Variants in SUSD6 observed in about 807,000 individuals in gnomAD.
The protein encoded by SUSD6 is sushi domain-containing protein 6.
SUSD6 carries 16 observed loss-of-function variants against 28.4 expected under a neutral mutation model. The observed-to-expected ratio is 0.56, with a 90% confidence interval of 0.38 to 0.86. SUSD6 has a LOEUF of 0.86. SUSD6 is among the 40% of genes least tolerant of loss of function. The pLI is 0.00. For synonymous variants in SUSD6, 147 were observed against 159.6 expected, an observed-to-expected ratio of 0.92 and a Z score of 0.59; for missense variants, 341 against 384.2, an observed-to-expected ratio of 0.89 and a Z score of 0.94.
intron 1 of SUSD6, among the ~76,000 whole-genome samples, chr14:69,658,191 T>C (rs1171950270): frequency 6.6e-6 from 1 of 152,214 alleles, no homozygotes; most frequent in Non-Finnish European, 1.5e-5. Context: ...GTAGCAGCTC[T>C]GTGTCAATAG....
intron 1 of SUSD6, among the ~76,000 whole-genome samples, chr14:69,639,964 T>TTG (rs1359138411): frequency 6.8e-6 from 1 of 147,300 alleles, no homozygotes; most frequent in Non-Finnish European, 1.5e-5. Flanking sequence ...CTGTTTTTTT[T>TTG]TTTTTTTTTT....
intron 1 of SUSD6, among the ~76,000 whole-genome samples, chr14:69,657,380 G>T (rs1297114374): frequency 6.6e-6 from 1 of 152,090 alleles, no homozygotes; most frequent in Non-Finnish European, 1.5e-5. Flanking sequence ...ACTTCAACCC[G>T]GGAGGTGGAG....
In SUSD6 at chr14:69,713,074, C is replaced by T. The variant is rs1284601615; in HGVS notation, c.*2095C>T. 1 of 152,152 alleles carries T rather than the reference C, an allele frequency of 6.6e-6. No individual in the cohort carries two copies. Among genetic ancestry groups the T allele is most frequent in the Non-Finnish European group, 1.5e-5 (1 of 68,026 alleles). 9.4% of individuals were successfully genotyped at this position (152,152 alleles called of 1,614,324 possible). ...TGCTGAGCCTTCAGCTTTTATTTTT[C>T]ACTGTTTCAAAACCCGCATTCTATT... On this transcript the variant is annotated 3_prime_UTR_variant, in exon 6 of 6. Transcript: ENST00000342745.
At chr14:69,679,439 G>A (rs146588227) in intron 2 of SUSD6, among the ~76,000 whole-genome samples, 1 of 152,180 alleles carries the variant, frequency 6.6e-6, no homozygotes, top group Non-Finnish European at 1.5e-5. Context: ...AATATTGATA[G>A]GTGTAACACA....
intron 1 of SUSD6, among the ~76,000 whole-genome samples, chr14:69,640,473 T>A (rs1317480553): frequency 6.6e-6 from 1 of 152,066 alleles, no homozygotes; most frequent in African/African-American, 2.4e-5. Context: ...TAGCCAGGAC[T>A]ACAGGTGCAC....
At position 69,658,637 on chromosome 14, in the gene SUSD6, C is replaced by T. The variant is rs368354387; in HGVS notation, c.45C>T (p.Ala15=). Residue 15 remains alanine (A), a synonymous_variant, in exon 2 of 6, where the codon GCC becomes GCT. Coordinates refer to ENST00000342745, the MANE Select transcript of SUSD6 (RefSeq NM_014734.4). ...CACCAAAGAGCACCTCAGTGTTTGC[C>T]GTGGCCTCCGTGGGACATGGAGTGT... ...RIAPKSTSVF[A]VASVGHGVFL... is the part of the protein sequence containing the mutation. 58 of 1,613,988 alleles carry T rather than the reference C, an allele frequency of 3.6e-5. No individual in the cohort carries two copies. Among genetic ancestry groups the T allele is most frequent in the African/African-American group, 1.2e-4 (9 of 74,920 alleles).
chr14:69,616,655 G>A (rs1333999890), intron 1 of SUSD6, among the ~76,000 whole-genome samples: 1 of 152,090 alleles, frequency 6.6e-6, no homozygotes, highest in African/African-American at 2.4e-5. Flanking sequence ...ATGTTTTTTG[G>A]TGGGGAGGCA....
intron 1 of SUSD6, among the ~76,000 whole-genome samples, chr14:69,642,413 A>G (rs1306739366): frequency 1.3e-5 from 2 of 152,232 alleles, no homozygotes; most frequent in African/African-American, 4.8e-5. Flanking sequence ...TGATGAAGAC[A>G]TACTCAAGAC....
intron 2 of SUSD6, among the ~76,000 whole-genome samples, chr14:69,677,874 A>G (rs138667890): frequency 0.015 from 2,210 of 152,356 alleles, 51 homozygotes; most frequent in African/African-American, 0.049. Flanking sequence ...GAAAAGAATT[A>G]ACACTTATAA....
intron 1 of SUSD6, among the ~76,000 whole-genome samples, chr14:69,618,827 A>C (rs1884995234): frequency 6.6e-6 from 1 of 152,246 alleles, no homozygotes. Flanking sequence ...GGTTGAGTGA[A>C]GTGAGATGAG....
intron 1 of SUSD6, among the ~76,000 whole-genome samples, chr14:69,614,154 A>C (rs901019664): frequency 7.9e-5 from 12 of 151,854 alleles, no homozygotes; most frequent in Non-Finnish European, 1.8e-4. Context: ...TGCAACCTTC[A>C]CCTCCCAGGT....
intron 1 of SUSD6, among the ~76,000 whole-genome samples, chr14:69,658,184 G>A (rs1246098951): frequency 2.0e-5 from 3 of 152,224 alleles, no homozygotes; most frequent in Middle Eastern, 3.2e-3. Flanking sequence ...CTTGGGTGTA[G>A]CAGCTCTGTG....
chr14:69,702,740 G>A (rs904187353), intron 2 of SUSD6, among the ~76,000 whole-genome samples: 1 of 152,198 alleles, frequency 6.6e-6, no homozygotes. Flanking sequence ...GGAGAGTAAC[G>A]ATAGCTGTCT....
intron 2 of SUSD6, among the ~76,000 whole-genome samples, chr14:69,687,307 C>T (rs540428759): frequency 2.0e-5 from 3 of 151,802 alleles, no homozygotes; most frequent in South Asian, 2.1e-4. Flanking sequence ...GACGGGGTTT[C>T]GCCGTGTTGG....
At chr14:69,692,764 T>C (rs897094330) in intron 2 of SUSD6, among the ~76,000 whole-genome samples, 1 of 151,946 alleles carries the variant, frequency 6.6e-6, no homozygotes, top group African/African-American at 2.4e-5. Context: ...TACCCAAGAG[T>C]CCAACCCTGT....
rs895784432 is a variant in SUSD6, at chr14:69,713,508, A to G, written c.*2529A>G. ...CTTCCTCCAGTTATGTCTTTCTTCCAAAGCAATTTCTTAACCATCAGCCAT... is the reference window on the plus strand; with the variant it reads ...CTTCCTCCAGTTATGTCTTTCTTCCGAAGCAATTTCTTAACCATCAGCCAT... On this transcript the variant is annotated 3_prime_UTR_variant, in exon 6 of 6. Coordinates refer to ENST00000342745, the MANE Select transcript of SUSD6 (RefSeq NM_014734.4). 2 of 152,472 alleles carry G rather than the reference A, an allele frequency of 1.3e-5. No individual in the cohort carries two copies. Among genetic ancestry groups the G allele is most frequent in the African/African-American group, 4.8e-5 (2 of 41,590 alleles). The allele number at this position is 152,472 out of a possible 1,614,324, so 9.4% of individuals were successfully genotyped here.
chr14:69,690,748 C>G (rs959046382), intron 2 of SUSD6, among the ~76,000 whole-genome samples: 5 of 152,180 alleles, frequency 3.3e-5, no homozygotes, highest in African/African-American at 1.2e-4. Context: ...AACAGAGAAT[C>G]TCATCCCGCA....
chr14:69,641,853 C>T (rs1462163116), intron 1 of SUSD6, among the ~76,000 whole-genome samples: 20 of 152,136 alleles, frequency 1.3e-4, no homozygotes, highest in Admixed American at 1.3e-3. Flanking sequence ...GATCCTCCTG[C>T]CTTGGCCTCC....
chr14:69,670,648 C>T (rs989616890), intron 2 of SUSD6: 8 of 412,688 alleles, frequency 1.9e-5, no homozygotes, highest in Admixed American at 1.5e-4. Flanking sequence ...CTCTACGTCC[C>T]TCAGTTCTTC....
Sources: gnomAD v4.1 joint callset for allele counts (sites outside exome capture counted in the v4.1 genomes callset) on GRCh38, gnomAD v4.1.1 for gene constraint, MANE v1.5 for transcripts, NCBI Gene and HGNC (gene_info 2026-07-23, HGNC 2026-07-21) for gene names.